The following HHAT variants were observed in gnomAD, a reference collection of about 807,000 sequenced individuals.
HHAT encodes protein-cysteine N-palmitoyltransferase HHAT.
HHAT carries 47 observed loss-of-function variants against 70.8 expected under a neutral mutation model. The ratio of observed to expected loss-of-function variants is 0.66; its 90% CI spans 0.53 to 0.85. The LOEUF is 0.85. Among genes scored for constraint, HHAT ranks in the 40% least tolerant of loss-of-function variants. HHAT has a pLI of 0.00. For missense variants in HHAT, 609 were observed against 604.8 expected (o/e 1.01, Z -0.07); for synonymous variants, 228 against 247.6 (o/e 0.92, Z 0.74).
intron 3 of HHAT, among the ~76,000 whole-genome samples, chr1:210,370,270 G>A (rs1382608798): frequency 6.7e-6 from 1 of 149,986 alleles, no homozygotes; most frequent in Non-Finnish European, 1.5e-5. Context: ...TGCCTCCTGG[G>A]TTCAAGCGAT....
chr1:210,549,648 G>T (rs1325399298), intron 9 of HHAT, among the ~76,000 whole-genome samples: 2 of 148,552 alleles, frequency 1.3e-5, no homozygotes, highest in Admixed American at 6.9e-5. Context: ...TTTCCTCTTT[G>T]TAAAGTGAGC....
chr1:210,638,488 A>G (rs779139220), intron 11 of HHAT, among the ~76,000 whole-genome samples: 9 of 152,306 alleles, frequency 5.9e-5, no homozygotes, highest in Non-Finnish European at 1.3e-4. Flanking sequence ...TAGAGACACA[A>G]ATAGAATAGT....
rs1317053772 is a variant in HHAT, at chr1:210,442,879, G to T, written c.857-21626G>T. ...AATTAGATCCCATTTGTCAATTTTG[G>T]CTTTTGTTGCCATTGCTTTTGGTGT... On this transcript the variant is annotated intron_variant, in intron 7 of 11. Coordinates refer to ENST00000261458, the MANE Select transcript of HHAT (RefSeq NM_018194.6). Among the ~76,000 whole-genome samples the T allele has an allele frequency of 3.3e-5, 5 of 152,148 alleles. No individual in the cohort carries two copies. The East Asian group carries it at 7.7e-4, about 24-fold the overall frequency.
chr1:210,365,964 C>G (rs1320642694), intron 3 of HHAT, among the ~76,000 whole-genome samples: 2 of 151,652 alleles, frequency 1.3e-5, no homozygotes, highest in East Asian at 1.9e-4. Context: ...TGATCCTGCT[C>G]TGTCACCCAG....
intron 8 of HHAT, among the ~76,000 whole-genome samples, chr1:210,508,476 C>T (rs954946584): frequency 4.6e-5 from 7 of 151,654 alleles, no homozygotes; most frequent in Non-Finnish European, 8.8e-5. Context: ...ATTTAAATAA[C>T]AGTTTATAGT....
At chr1:210,478,776 C>CAT (rs2094345511) in intron 8 of HHAT, among the ~76,000 whole-genome samples, 2 of 152,242 alleles carry the variant, frequency 1.3e-5, no homozygotes, top group South Asian at 4.2e-4. Flanking sequence ...GTGAGTTTGT[C>CAT]ATATATGCAC....
Position 210,519,672 on chromosome 1 carries a change from A to G in HHAT, c.1043+6484A>G, listed in dbSNP as rs942763004. ...CCTCCAGGTAGCTGGGGCTACAGGC[A>G]TATACCACCATGCCCAGCAATTTTT... On this transcript the variant is annotated intron_variant, in intron 9 of 11. Coordinates refer to ENST00000261458, the MANE Select transcript of HHAT (RefSeq NM_018194.6). Among the ~76,000 whole-genome samples, 9 of 143,802 alleles carry G rather than the reference A, an allele frequency of 6.3e-5. 1 individual carries two copies. The highest frequency in any genetic ancestry group is 2.0e-4 in the African/African-American group (8 of 39,812). The allele number at this position is 143,802 out of a possible 152,430, so 94.3% of individuals were successfully genotyped here.
Position 210,482,054 on chromosome 1 carries a change from T to A in HHAT, c.1007+17399T>A, listed in dbSNP as rs749182734. On this transcript the variant is annotated intron_variant, in intron 8 of 11. Transcript: ENST00000261458. ...GTAAGCGATAGTTCATTCTTTGGTT[T>A]GTATCTGAGTTAGATGGGGAGATGT... Among the ~76,000 whole-genome samples the A allele has an allele frequency of 3.3e-4, 51 of 152,260 alleles. No individual in the cohort carries two copies. The Middle Eastern group carries it at 0.01, about 30-fold the overall frequency.
chr1:210,415,248 G>A (rs1056759719), intron 6 of HHAT, among the ~76,000 whole-genome samples: 32 of 152,258 alleles, frequency 2.1e-4, no homozygotes, highest in Admixed American at 1.4e-3. Flanking sequence ...TAAAACAAAC[G>A]TGAATGATCT....
At chr1:210,375,862 TTA>T (rs1491326433) in intron 3 of HHAT, among the ~76,000 whole-genome samples, 4 of 124,684 alleles carry the variant, frequency 3.2e-5, no homozygotes, top group Admixed American at 8.1e-5. Flanking sequence ...GGTTCAATAA[TTA>T]AAAAAAAAAA....
chr1:210,567,664 T>C lies in HHAT; in HGVS notation c.1044-20234T>C, dbSNP rs115218210. Reference sequence around the variant, plus strand: ...CCTTTTGCCTTTTTAGATCATCGTGTACAATCCTATGAGGTGAGCTGGGCA... The same window carrying C: ...CCTTTTGCCTTTTTAGATCATCGTGCACAATCCTATGAGGTGAGCTGGGCA... On this transcript the variant is annotated intron_variant, in intron 9 of 11. Coordinates refer to ENST00000261458, the MANE Select transcript of HHAT (RefSeq NM_018194.6). 1.6e-3 allele frequency among the ~76,000 whole-genome samples: 244 copies of C among 152,312 alleles called. 3 individuals are homozygous for C. Among genetic ancestry groups the C allele is most frequent in the African/African-American group, 5.7e-3 (238 of 41,570 alleles).
rs114034925 is a variant in HHAT, at chr1:210,619,423, G to A, written c.1246-4103G>A. On this transcript the variant is annotated intron_variant, in intron 10 of 11. Transcript: ENST00000261458. ...TGACACATGGTGGGCAGGATAGGAGGGGCCTGGTGGTTGAATACTGTGAAG... is the reference window on the plus strand; with the variant it reads ...TGACACATGGTGGGCAGGATAGGAGAGGCCTGGTGGTTGAATACTGTGAAG... Among the ~76,000 whole-genome samples, 1,315 of 152,262 alleles carry A rather than the reference G, an allele frequency of 8.6e-3. 18 individuals carry two copies. The highest frequency in any genetic ancestry group is 0.03 in the African/African-American group (1,261 of 41,562).
intron 1 of HHAT, among the ~76,000 whole-genome samples, chr1:210,335,151 G>A (rs183857557): frequency 1.0e-3 from 153 of 152,244 alleles, no homozygotes; most frequent in Admixed American, 1.5e-3. Flanking sequence ...AATATGGTAA[G>A]TCAAATCTAG....
chr1:210,544,801 T>C (rs1414228093), intron 9 of HHAT, among the ~76,000 whole-genome samples: 1 of 152,174 alleles, frequency 6.6e-6, no homozygotes, highest in African/African-American at 2.4e-5. Flanking sequence ...CAATATCTTA[T>C]CTCTTCAGTA....
intron 4 of HHAT, among the ~76,000 whole-genome samples, chr1:210,392,801 G>A (rs140185862): frequency 5.9e-5 from 9 of 152,062 alleles, no homozygotes; most frequent in East Asian, 3.9e-4. Context: ...ACCCCACCTC[G>A]TTTATAGGAG....
At chr1:210,656,758 C>T (rs1306597322) in intron 11 of HHAT, among the ~76,000 whole-genome samples, 2 of 152,154 alleles carry the variant, frequency 1.3e-5, no homozygotes, top group African/African-American at 4.8e-5. Flanking sequence ...AGCTCTCATG[C>T]TTCTTTAGCA....
chr1:210,623,959 C>T (rs1469964269), intron 11 of HHAT, among the ~76,000 whole-genome samples: 1 of 152,050 alleles, frequency 6.6e-6, no homozygotes, highest in African/African-American at 2.4e-5. Flanking sequence ...ACTATGTTTC[C>T]AATTATTTGA....
At chr1:210,604,353 T>TGG (rs1223686589) in intron 10 of HHAT, among the ~76,000 whole-genome samples, 2 of 151,966 alleles carry the variant, frequency 1.3e-5, no homozygotes, top group East Asian at 3.9e-4. Flanking sequence ...CCCAAAGTGC[T>TGG]GGGATTACAG....
chr1:210,568,259 G>A (rs146165135), intron 9 of HHAT, among the ~76,000 whole-genome samples: 1,985 of 151,986 alleles, frequency 0.013, 29 homozygotes, highest in Non-Finnish European at 0.015. Flanking sequence ...ACCCGGGGAG[G>A]GCATGTAAGT....
Sources: allele counts gnomAD v4.1 joint callset (sites outside exome capture counted in the v4.1 genomes callset), GRCh38; gene constraint gnomAD v4.1.1; transcripts MANE v1.5; gene names NCBI Gene and HGNC (gene_info 2026-07-23, HGNC 2026-07-21).